Variants in BICC1 observed in about 807,000 individuals in gnomAD.
The protein encoded by BICC1 is BicC family RNA binding protein 1, also known as protein bicaudal C homolog 1.
In BICC1, 43 loss-of-function variants were observed where a neutral mutation model predicts 111.0. The ratio of observed to expected loss-of-function variants is 0.39; its 90% confidence interval spans 0.30 to 0.50. BICC1 has a LOEUF of 0.50. Ranked by LOEUF, BICC1 falls within the 20% of genes least tolerant of loss-of-function variation. The pLI, the probability that BICC1 is intolerant of heterozygous loss-of-function variation, is 0.88. For missense variants in BICC1, 1,091 were observed against 1,203.2 expected (o/e 0.91, Z 1.38); for synonymous variants, 467 against 434.4 (o/e 1.07, Z -0.93).
intron 1 of BICC1, among the ~76,000 whole-genome samples, chr10:58,534,570 A>C (rs1175572805): frequency 6.6e-6 from 1 of 151,712 alleles, no homozygotes; most frequent in Non-Finnish European, 1.5e-5. Context: ...CTCAAGGGGA[A>C]TAAAAGAAAT....
intron 1 of BICC1, among the ~76,000 whole-genome samples, chr10:58,523,315 A>G (rs1395841039): frequency 3.3e-5 from 5 of 152,086 alleles, no homozygotes; most frequent in Non-Finnish European, 7.4e-5. Context: ...TAAAATACTG[A>G]CAAACCGAAT....
rs1051858276 is a variant in BICC1, at chr10:58,713,008, C to T, written c.307+10865C>T. 2.0e-5 allele frequency among the ~76,000 whole-genome samples: 3 copies of T among 152,162 alleles called. No homozygotes were observed. In the South Asian group the frequency reaches 6.2e-4, roughly 32 times the overall value. ...ATTTTTATCAGCATTTTAAAATATA[C>T]TATATGCAAAGATAATATTATATGG... On this transcript the variant is annotated intron_variant, in intron 3 of 20. Transcript: ENST00000373886.
rs901395671 is a variant in BICC1 at position 58,789,143 on chromosome 10, T to C, written c.601-119T>C. 5.1e-6 allele frequency: 4 copies of C among 789,932 alleles called. No individual in the cohort carries two copies. The African/African-American group carries it at 7.0e-5, about 14-fold the overall frequency. 48.9% of individuals were successfully genotyped at this position (789,932 alleles called of 1,614,324 possible). ...TTATATAATGTAGCTAAACTTAATA[T>C]CTATAAGGGCAGTTTATGCTTTAAA... On this transcript the variant is annotated intron_variant, in intron 6 of 20. Transcript: ENST00000373886.
chr10:58,528,153 A>C (rs1473371799), intron 1 of BICC1, among the ~76,000 whole-genome samples: 1 of 151,884 alleles, frequency 6.6e-6, no homozygotes, highest in Non-Finnish European at 1.5e-5. Flanking sequence ...CGGACCTGGC[A>C]TTGACCTCAT....
intron 1 of BICC1, among the ~76,000 whole-genome samples, chr10:58,578,073 T>C (rs1415023957): frequency 2.6e-5 from 4 of 152,190 alleles, no homozygotes; most frequent in Non-Finnish European, 5.9e-5. Flanking sequence ...AATTTAGTTA[T>C]AAGGCAAAAA....
chr10:58,738,683 T>C (rs1249239443), intron 3 of BICC1, among the ~76,000 whole-genome samples: 2 of 141,360 alleles, frequency 1.4e-5, no homozygotes, highest in South Asian at 2.5e-4. Flanking sequence ...TGGGGCAGTA[T>C]GGCCATTTTC....
intron 2 of BICC1, among the ~76,000 whole-genome samples, chr10:58,637,539 T>C (rs1837986420): frequency 6.6e-6 from 1 of 152,240 alleles, no homozygotes; most frequent in Non-Finnish European, 1.5e-5. Context: ...ATGTTCATTG[T>C]CTTCCCTCCT....
At chr10:58,761,424 G>A (rs1034746389) in intron 3 of BICC1, among the ~76,000 whole-genome samples, 2 of 152,184 alleles carry the variant, frequency 1.3e-5, no homozygotes, top group South Asian at 2.1e-4. Context: ...ACCCAACTCA[G>A]TTTCTCTTTA....
chr10:58,801,739 A>G (rs577966239), intron 14 of BICC1, among the ~76,000 whole-genome samples: 1 of 152,072 alleles, frequency 6.6e-6, no homozygotes, highest in African/African-American at 2.4e-5. Flanking sequence ...ATTAGCGTAC[A>G]TGGTTTTATT....
intron 1 of BICC1, among the ~76,000 whole-genome samples, chr10:58,521,737 G>T (rs940292843): frequency 7.4e-6 from 1 of 135,048 alleles, no homozygotes; most frequent in South Asian, 2.4e-4. Flanking sequence ...TTTAAAAGTT[G>T]TGGGCATGAA....
chr10:58,535,373 A>T (rs1226157092), intron 1 of BICC1, among the ~76,000 whole-genome samples: 2 of 141,198 alleles, frequency 1.4e-5, no homozygotes, highest in African/African-American at 5.1e-5. Context: ...AACCTAGCAG[A>T]CTAACAGCAG....
chr10:58,755,824 G>A (rs968184676), intron 3 of BICC1, among the ~76,000 whole-genome samples: 3 of 152,050 alleles, frequency 2.0e-5, no homozygotes, highest in African/African-American at 7.2e-5. Context: ...CTCTGCATTG[G>A]CCACACCTGC....
intron 1 of BICC1, among the ~76,000 whole-genome samples, chr10:58,563,082 C>T (rs1843655329): frequency 6.6e-6 from 1 of 152,084 alleles, no homozygotes; most frequent in South Asian, 2.1e-4. Flanking sequence ...TGAGTCATTG[C>T]CGTACCACTG....
chr10:58,765,873 A>C (rs1842442644), intron 3 of BICC1, among the ~76,000 whole-genome samples: 1 of 152,234 alleles, frequency 6.6e-6, no homozygotes, highest in South Asian at 2.1e-4. Flanking sequence ...GTTAAAATTT[A>C]ATCAACAAAA....
chr10:58,758,428 A>G (rs935913230), intron 3 of BICC1, among the ~76,000 whole-genome samples: 5 of 152,228 alleles, frequency 3.3e-5, no homozygotes, highest in Non-Finnish European at 5.9e-5. Flanking sequence ...AGAACAGGCT[A>G]TTAAATCACT....
intron 3 of BICC1, among the ~76,000 whole-genome samples, chr10:58,770,920 G>A (rs900566354): frequency 6.6e-6 from 1 of 152,114 alleles, no homozygotes; most frequent in African/African-American, 2.4e-5. Context: ...AGCTGAAATG[G>A]TAACTATTGT....
chr10:58,553,368 T>C (rs1464869898), intron 1 of BICC1, among the ~76,000 whole-genome samples: 3 of 152,134 alleles, frequency 2.0e-5, no homozygotes, highest in African/African-American at 7.2e-5. Context: ...AGCAACTTGA[T>C]TGGAATTGTT....
chr10:58,594,676 G>T (rs112186841), intron 1 of BICC1, among the ~76,000 whole-genome samples: 1,564 of 152,280 alleles, frequency 0.01, 24 homozygotes, highest in African/African-American at 0.036. Flanking sequence ...AGCAAATGCT[G>T]AGAGATTTTG....
At chr10:58,639,719 A>ATTTTTTTTTTTTTTTTTTTTTTTTTTTTT (rs71033694) in intron 2 of BICC1, among the ~76,000 whole-genome samples, 1 of 93,180 alleles carries the variant, frequency 1.1e-5, no homozygotes, top group Non-Finnish European at 2.0e-5. Context: ...GCCCGGCCAA[A>ATTTTTTTTTTTTTTTTTTTTTTTTTTTTT]TTTTTTTTTT....
Sources: gnomAD v4.1 joint callset for allele counts (sites outside exome capture counted in the v4.1 genomes callset) on GRCh38, gnomAD v4.1.1 for gene constraint, MANE v1.5 for transcripts, NCBI Gene and HGNC (gene_info 2026-07-23, HGNC 2026-07-21) for gene names.